The following NRG3 variants were observed in gnomAD, a reference collection of about 807,000 sequenced individuals.
NRG3 encodes neuregulin 3.
A neutral mutation model predicts 66.9 loss-of-function variants in NRG3; 31 were observed. The observed-to-expected ratio is 0.46, with a 90% CI of 0.35 to 0.63. The LOEUF (loss-of-function observed/expected upper bound fraction) is 0.63. Ranked by LOEUF, NRG3 falls within the 20% of genes least tolerant of loss-of-function variation. The pLI is 0.00. For missense variants in NRG3, 910 were observed against 878.9 expected (o/e 1.04, Z -0.45); for synonymous variants, 393 against 359.4 (o/e 1.09, Z -1.06).
At chr10:82,940,954 ATTAC>A (rs1170675178) in intron 4 of NRG3, among the ~76,000 whole-genome samples, 2 of 152,196 alleles carry the variant, frequency 1.3e-5, no homozygotes, top group Non-Finnish European at 2.9e-5. Flanking sequence ...TACTGGAGTC[ATTAC>A]TTCAACATCT....
chr10:82,131,454 T>C (rs1306939268), intron 1 of NRG3, among the ~76,000 whole-genome samples: 1 of 152,194 alleles, frequency 6.6e-6, no homozygotes, highest in African/African-American at 2.4e-5. Flanking sequence ...GTAATATACT[T>C]TGAGGTCAAG....
At chr10:82,424,281 A>G (rs1213632316) in intron 2 of NRG3, among the ~76,000 whole-genome samples, 4 of 151,934 alleles carry the variant, frequency 2.6e-5, no homozygotes, top group African/African-American at 9.7e-5. Flanking sequence ...ATGTGAGGGG[A>G]CCAATTTCTC....
intron 1 of NRG3, among the ~76,000 whole-genome samples, chr10:81,939,082 A>T (rs1743294658): frequency 2.6e-5 from 4 of 152,124 alleles, no homozygotes; most frequent in Admixed American, 2.6e-4. Context: ...TCATATGTTG[A>T]ACCATCCTTG....
At chr10:82,675,387 G>A (rs1258068353) in intron 2 of NRG3, among the ~76,000 whole-genome samples, 1 of 152,168 alleles carries the variant, frequency 6.6e-6, no homozygotes, top group Non-Finnish European at 1.5e-5. Context: ...AATAGTTTCT[G>A]GTGGGGCCAC....
At chr10:82,600,788 T>A (rs2133392846) in intron 2 of NRG3, among the ~76,000 whole-genome samples, 1 of 152,200 alleles carries the variant, frequency 6.6e-6, no homozygotes, top group Middle Eastern at 3.4e-3. Flanking sequence ...TATTTTTATT[T>A]TTTTTAATTT....
rs879077236 is a variant in NRG3, at chr10:82,625,806, T to C, written c.954-112771T>C. On this transcript the variant is annotated intron_variant, in intron 2 of 8. Transcript: ENST00000372141. The stretch of plus-strand genomic sequence containing the variant: ...TTGATATGGTCACAATATGTGTAAG[T>C]GGTAAAATATGTCACCACTAGAGCA... Among the ~76,000 whole-genome samples the C allele has an allele frequency of 1.8e-4, 27 of 152,256 alleles. 1 individual carries two copies. The highest frequency in any genetic ancestry group is 7.9e-4 in the Admixed American group (12 of 15,280).
chr10:82,984,304 T>C (rs1853223851), intron 8 of NRG3, among the ~76,000 whole-genome samples: 1 of 152,190 alleles, frequency 6.6e-6, no homozygotes, highest in South Asian at 2.1e-4. Flanking sequence ...TTCAAATGAC[T>C]TGTGATGGCA....
intron 1 of NRG3, among the ~76,000 whole-genome samples, chr10:81,976,766 T>G (rs1055487638): frequency 6.6e-6 from 1 of 152,198 alleles, no homozygotes; most frequent in Non-Finnish European, 1.5e-5. Flanking sequence ...ATTTCTTTCT[T>G]GGATGTGAGC....
At chr10:82,181,652 G>T (rs915506772) in intron 1 of NRG3, among the ~76,000 whole-genome samples, 2 of 151,798 alleles carry the variant, frequency 1.3e-5, no homozygotes, top group Non-Finnish European at 3.0e-5. Context: ...TCTTAAATTT[G>T]TTAGGACAAG....
At chr10:81,944,939 C>T (rs909080783) in intron 1 of NRG3, among the ~76,000 whole-genome samples, 1 of 152,056 alleles carries the variant, frequency 6.6e-6, no homozygotes, top group South Asian at 2.1e-4. Context: ...AACCCTCAAC[C>T]ACCACTTCCC....
At chr10:82,724,322 T>C (rs2057473634) in intron 2 of NRG3, among the ~76,000 whole-genome samples, 1 of 152,166 alleles carries the variant, frequency 6.6e-6, no homozygotes, top group Non-Finnish European at 1.5e-5. Context: ...GCTTCCTTGT[T>C]GCTGATGAAT....
chr10:81,991,014 G>T (rs923105658), intron 1 of NRG3, among the ~76,000 whole-genome samples: 3 of 152,112 alleles, frequency 2.0e-5, no homozygotes, highest in Non-Finnish European at 4.4e-5. Flanking sequence ...AATTTGAGAA[G>T]CCTCCATTGC....
intron 3 of NRG3, among the ~76,000 whole-genome samples, chr10:82,855,406 CTT>C (rs915670649): frequency 2.6e-5 from 4 of 151,558 alleles, no homozygotes; most frequent in African/African-American, 7.3e-5. Flanking sequence ...GTCTGTGTGT[CTT>C]TTTTTTAAAG....
intron 1 of NRG3, among the ~76,000 whole-genome samples, chr10:82,245,118 A>G (rs2077176766): frequency 1.3e-5 from 2 of 152,188 alleles, no homozygotes; most frequent in South Asian, 4.1e-4. Context: ...CATAATGTAG[A>G]ATCAGTGGGA....
At chr10:82,088,905 C>T (rs899488958) in intron 1 of NRG3, among the ~76,000 whole-genome samples, 3 of 152,068 alleles carry the variant, frequency 2.0e-5, no homozygotes, top group Non-Finnish European at 4.4e-5. Flanking sequence ...CCCTTCACAT[C>T]GTTGTACCTT....
intron 3 of NRG3, among the ~76,000 whole-genome samples, chr10:82,856,569 AC>A (rs1251183833): frequency 2.0e-5 from 3 of 151,546 alleles, no homozygotes; most frequent in Non-Finnish European, 2.9e-5. Context: ...ACATGGGAAA[AC>A]CCTGTCTCTA....
intron 1 of NRG3, among the ~76,000 whole-genome samples, chr10:82,244,598 G>A (rs114017212): frequency 0.01 from 1,534 of 152,186 alleles, 33 homozygotes; most frequent in African/African-American, 0.036. Flanking sequence ...CTATTAGTAT[G>A]TATAATGATG....
At chr10:82,427,234 G>A (rs914842679) in intron 2 of NRG3, among the ~76,000 whole-genome samples, 2 of 152,168 alleles carry the variant, frequency 1.3e-5, no homozygotes, top group African/African-American at 2.4e-5. Context: ...AATATAAGAA[G>A]CAAGAACAGG....
intron 1 of NRG3, among the ~76,000 whole-genome samples, chr10:82,233,082 C>T (rs1204990455): frequency 6.6e-6 from 1 of 152,086 alleles, no homozygotes; most frequent in Non-Finnish European, 1.5e-5. Context: ...TAAGTATTGG[C>T]GGCTGTTCGC....
Sources: allele counts gnomAD v4.1 joint callset (sites outside exome capture counted in the v4.1 genomes callset), GRCh38; gene constraint gnomAD v4.1.1; transcripts MANE v1.5; gene names NCBI Gene and HGNC (gene_info 2026-07-23, HGNC 2026-07-21).